The following PNLIPRP3 variants were observed in gnomAD, a reference collection of about 807,000 sequenced individuals.
The protein encoded by PNLIPRP3 is pancreatic lipase-related protein 3.
Under a neutral mutation model 52.8 loss-of-function variants are expected in PNLIPRP3, and 58 were observed. The observed-to-expected ratio is 1.10, with a 90% CI of 0.89 to 1.37. The LOEUF (loss-of-function observed/expected upper bound fraction) is 1.37. Ranked by LOEUF, PNLIPRP3 falls within the 40% of genes most tolerant of loss-of-function variation. PNLIPRP3 has a pLI of 0.00. For missense variants in PNLIPRP3, 593 were observed against 561.6 expected, an observed-to-expected ratio of 1.06 and a Z score of -0.57; for synonymous variants, 192 against 185.0, an observed-to-expected ratio of 1.04 and a Z score of -0.31.
At chr10:116,449,046 A>T (rs1470049414) in intron 4 of PNLIPRP3, among the ~76,000 whole-genome samples, 1 of 149,932 alleles carries the variant, frequency 6.7e-6, no homozygotes, top group African/African-American at 2.4e-5. Flanking sequence ...ATTTCTAATT[A>T]GCTGGGCGTG....
At chr10:116,465,370 A>T (rs1035315043) in intron 7 of PNLIPRP3, among the ~76,000 whole-genome samples, 11 of 152,094 alleles carry the variant, frequency 7.2e-5, no homozygotes, top group African/African-American at 2.7e-4. Context: ...CCCCGTCTCT[A>T]CTAAAAACAC....
Position 116,429,816 on chromosome 10 carries a change from A to G in PNLIPRP3, c.49+1755A>G, listed in dbSNP as rs11197678. 4.2e-3 allele frequency among the ~76,000 whole-genome samples: 641 copies of G among 152,302 alleles called. 3 individuals are homozygous for G. Among genetic ancestry groups the G allele is most frequent in the African/African-American group, 0.015 (616 of 41,574 alleles). ...TCAAGGGAGTGACTGCAGGTAGAGAAGGAAGATGGAACTACTGAGTCCTAG... is the reference window on the plus strand; with the variant it reads ...TCAAGGGAGTGACTGCAGGTAGAGAGGGAAGATGGAACTACTGAGTCCTAG... On this transcript the variant is annotated intron_variant, in intron 1 of 11. Transcript: ENST00000369230.
chr10:116,431,056 A>G (rs1845703132), intron 1 of PNLIPRP3, among the ~76,000 whole-genome samples: 1 of 152,228 alleles, frequency 6.6e-6, no homozygotes, highest in African/African-American at 2.4e-5. Context: ...AACACCTTGC[A>G]TCATCCTTGA....
At position 116,448,702 on chromosome 10, in the gene PNLIPRP3, G is replaced by GT. The variant is rs1337336719; in HGVS notation, c.456+4193dup. On this transcript the variant is annotated intron_variant, in intron 4 of 11. Coordinates refer to ENST00000369230, the MANE Select transcript of PNLIPRP3 (RefSeq NM_001011709.3). Reference sequence around the variant, plus strand: ...TCTCTATAAAAAGGTGTTTTGTTTTGTTTTGTTTTGTTTTGTTTTGTTTTG... The same window carrying GT: ...TCTCTATAAAAAGGTGTTTTGTTTTGTTTTTGTTTTGTTTTGTTTTGTTTTG... Among the ~76,000 whole-genome samples, 5 of 151,468 alleles carry GT rather than the reference G, an allele frequency of 3.3e-5. 1 individual carries two copies. Among genetic ancestry groups the GT allele is most frequent in the Non-Finnish European group, 7.4e-5 (5 of 67,826 alleles).
intron 5 of PNLIPRP3, among the ~76,000 whole-genome samples, chr10:116,456,401 G>A (rs753171387): frequency 2.0e-5 from 3 of 152,144 alleles, no homozygotes; most frequent in African/African-American, 7.2e-5. Context: ...ACCCTGATTT[G>A]ATCATTACAC....
At chr10:116,437,473 C>T (rs1845791140) in intron 2 of PNLIPRP3, among the ~76,000 whole-genome samples, 1 of 152,180 alleles carries the variant, frequency 6.6e-6, no homozygotes, top group Non-Finnish European at 1.5e-5. Context: ...AGAGAAACCA[C>T]AGGCCTGTCT....
chr10:116,466,066 T>G lies in PNLIPRP3; in HGVS notation c.825T>G (p.Phe275Leu). The part of the protein sequence containing the change: ...NAYKKEMASF[F>L]DCNHARSYQF... ...TTTTCACAGAAATGGCTTCCTTCTT[T>G]GACTGTAACCATGCCCGAAGTTATC... Residue 275 changes from phenylalanine (F) to leucine (L), a missense_variant, in exon 8 of 12, where the codon TTT becomes TTG. By Grantham distance (22) the Phe-to-Leu change is conservative. Transcript: ENST00000369230. 1.2e-6 allele frequency: 2 copies of G among 1,613,304 alleles called. No individual in the cohort carries two copies. Among genetic ancestry groups the G allele is most frequent in the Non-Finnish European group, 1.7e-6 (2 of 1,179,478 alleles).
intron 10 of PNLIPRP3, among the ~76,000 whole-genome samples, chr10:116,476,428 A>G (rs1846466300): frequency 6.6e-6 from 1 of 152,206 alleles, no homozygotes; most frequent in African/African-American, 2.4e-5. Flanking sequence ...GGTATTCTCT[A>G]AAAATCACCT....
At chr10:116,442,761 G>A (rs764676364) in intron 2 of PNLIPRP3, among the ~76,000 whole-genome samples, 11 of 152,088 alleles carry the variant, frequency 7.2e-5, no homozygotes, top group Non-Finnish European at 1.6e-4. Flanking sequence ...CTATTCAGGA[G>A]GCTGAGGCGG....
At chr10:116,454,671 G>A (rs960869099) in intron 4 of PNLIPRP3, among the ~76,000 whole-genome samples, 4 of 152,194 alleles carry the variant, frequency 2.6e-5, no homozygotes, top group African/African-American at 9.6e-5. Flanking sequence ...GTCATGCAGT[G>A]TTTGTCTTTC....
At chr10:116,433,143 A>AAT (rs1845730553) in intron 1 of PNLIPRP3, among the ~76,000 whole-genome samples, 1 of 148,810 alleles carries the variant, frequency 6.7e-6, no homozygotes, top group African/African-American at 2.5e-5. Flanking sequence ...AAAAAAAAAA[A>AAT]AAAGTCTTGG....
chr10:116,436,962 A>G (rs1845783382), intron 2 of PNLIPRP3, 97 bp downstream of exon 2: 1 of 1,225,598 alleles, frequency 8.2e-7, no homozygotes, highest in African/African-American at 1.5e-5. Flanking sequence ...ATTCTGACAT[A>G]TGCTATTGAC....
In PNLIPRP3 at chr10:116,427,874, T is replaced by C; in HGVS notation, c.-139T>C. The C allele has an allele frequency of 1.5e-6, 1 of 689,034 alleles. No individual in the cohort carries two copies. Among genetic ancestry groups the C allele is most frequent in the Non-Finnish European group, 2.6e-6 (1 of 382,684 alleles). The allele number at this position is 689,034 out of a possible 1,614,324, so 42.7% of individuals were successfully genotyped here. On this transcript the variant is annotated 5_prime_UTR_variant, in exon 1 of 12. Transcript: ENST00000369230. ...TTACTTTGCAGAGCATAAGGTGGAA[T>C]AACATGTTCTTTTAAACGTAGAGTT... is the stretch of plus-strand genomic sequence containing the variant.
intron 4 of PNLIPRP3, among the ~76,000 whole-genome samples, chr10:116,448,555 T>C (rs888005484): frequency 5.9e-5 from 9 of 152,102 alleles, no homozygotes; most frequent in African/African-American, 1.4e-4. Context: ...TTTTTTTAAA[T>C]GGTAATAGTG....
In PNLIPRP3 at chr10:116,436,766, C is replaced by T. The variant is rs1347517940; in HGVS notation, c.105C>T (p.Thr35=). The change falls in exon 2 of 12, where the codon ACC becomes ACT. Residue 35 remains threonine, a synonymous_variant. Coordinates refer to ENST00000369230, the MANE Select transcript of PNLIPRP3 (RefSeq NM_001011709.3). ...LGCFKDGLPW[T]RTFSTELVGL... is the part of the protein sequence containing the mutation. ...GTTTCAAAGATGGTTTACCATGGAC[C>T]AGGACTTTCTCAACAGAGTTGGTAG... 2 of 1,613,664 alleles carry T rather than the reference C, an allele frequency of 1.2e-6. No individual in the cohort carries two copies. Among genetic ancestry groups the T allele is most frequent in the East Asian group, 2.2e-5 (1 of 44,856 alleles).
chr10:116,477,148 T>G lies in PNLIPRP3; in HGVS notation c.1399T>G (p.Cys467Gly). The G allele has an allele frequency of 1.3e-6, 2 of 1,588,768 alleles. No individual in the cohort carries two copies. The highest frequency in any genetic ancestry group is 1.7e-6 in the Non-Finnish European group (2 of 1,160,058). ...TAATATTCTCCAGAACCTGAAACCA[T>G]GCTAATCTCAGATACAGTCTTGATG... The part of the protein sequence containing the change: ...GPNILQNLKP[C>G] Residue 467 changes from cysteine (C) to glycine (G), a missense_variant, in exon 12 of 12, where the codon TGC becomes GGC. Physicochemically the swap from Cys to Gly is radical, Grantham distance 159 (BLOSUM62 -3). Coordinates refer to ENST00000369230, the MANE Select transcript of PNLIPRP3 (RefSeq NM_001011709.3).
At chr10:116,435,618 T>A (rs189942776) in intron 1 of PNLIPRP3, among the ~76,000 whole-genome samples, 183 of 152,326 alleles carry the variant, frequency 1.2e-3, no homozygotes, top group Non-Finnish European at 2.1e-3. Flanking sequence ...GCCAGTACCA[T>A]CCTAACAAGT....
chr10:116,460,918 T>C (rs986412550), intron 5 of PNLIPRP3, 48 bp from the exon 6 acceptor site: 3 of 1,593,682 alleles, frequency 1.9e-6, no homozygotes, highest in Non-Finnish European at 8.6e-7. Flanking sequence ...GTAACAACAA[T>C]ATTAATGTGC....
chr10:116,452,858 CAGAGAA>C (rs1278185433), intron 4 of PNLIPRP3, among the ~76,000 whole-genome samples: 1 of 152,264 alleles, frequency 6.6e-6, no homozygotes, highest in Non-Finnish European at 1.5e-5. Context: ...AGAGCCCCCA[CAGAGAA>C]ACTCTACTAA....
Sources: gnomAD v4.1 joint callset for allele counts (sites outside exome capture counted in the v4.1 genomes callset) on GRCh38, gnomAD v4.1.1 for gene constraint, MANE v1.5 for transcripts, NCBI Gene and HGNC (gene_info 2026-07-23, HGNC 2026-07-21) for gene names.